The following TTC23L variants were observed in gnomAD, a reference collection of about 807,000 sequenced individuals.
TTC23L encodes the protein tetratricopeptide repeat protein 23-like.
TTC23L carries 42 observed loss-of-function variants against 48.1 expected under a neutral mutation model. That is an observed-to-expected ratio of 0.87 (90% CI 0.68 to 1.13). The LOEUF is 1.13. Ranked by LOEUF, TTC23L falls within the 50% of genes most tolerant of loss-of-function variation. TTC23L has a pLI of 0.00. For synonymous variants in TTC23L, 159 were observed against 157.2 expected (o/e 1.01, Z -0.09); for missense variants, 391 against 421.0 (o/e 0.93, Z 0.62).
chr5:34,868,843 T>C, intron 7 of TTC23L, 62 bp from the exon 8 acceptor site: 2 of 1,451,366 alleles, frequency 1.4e-6, no homozygotes, highest in Non-Finnish European at 1.9e-6. Context: ...TCACCTCTCA[T>C]CTAAATCCAC....
the TTC23L span, chr5:34,914,771 G>C: frequency 6.2e-7 from 1 of 1,614,070 alleles, no homozygotes; most frequent in East Asian, 2.2e-5. Context: ...TGCGAAACAC[G>C]TGGCATGTTC....
chr5:34,850,464 G>GT (rs1301456038), intron 4 of TTC23L, among the ~76,000 whole-genome samples, 156 bp downstream of exon 4: 1 of 30,328 alleles, frequency 3.3e-5, no homozygotes, highest in Non-Finnish European at 5.7e-5. Context: ...GGGAGACAGT[G>GT]TGCAAGGATC....
chr5:34,857,795 G>A (rs1462575912), intron 4 of TTC23L, among the ~76,000 whole-genome samples: 1 of 152,124 alleles, frequency 6.6e-6, no homozygotes, highest in African/African-American at 2.4e-5. Flanking sequence ...CACAGATAAA[G>A]TAACTTTTTC....
chr5:34,855,753 C>T (rs1760078476), intron 4 of TTC23L, among the ~76,000 whole-genome samples: 3 of 152,150 alleles, frequency 2.0e-5, no homozygotes, highest in South Asian at 4.2e-4. Flanking sequence ...AGAGAATGCA[C>T]AATGCAGTAT....
At chr5:34,908,872 T>C in the TTC23L span, 6 of 1,613,242 alleles carry the variant, frequency 3.7e-6, no homozygotes, top group Non-Finnish European at 5.1e-6. Context: ...AGGAAGCCTC[T>C]GTTATCTGTC....
intron 4 of TTC23L, among the ~76,000 whole-genome samples, chr5:34,853,857 G>A (rs894194479): frequency 6.6e-6 from 1 of 152,142 alleles, no homozygotes; most frequent in African/African-American, 2.4e-5. Context: ...ACTAGCTAAG[G>A]GTTTTTCACT....
At chr5:34,913,845 AATGACTTGAT>A in the TTC23L span, 2 of 493,988 alleles carry the variant, frequency 4.0e-6, no homozygotes, top group Non-Finnish European at 7.8e-6. Context: ...AAAATAGACG[AATGACTTGAT>A]AATGCATGAG....
intron 10 of TTC23L, among the ~76,000 whole-genome samples, chr5:34,897,295 G>A (rs1255169458): frequency 6.6e-6 from 1 of 152,010 alleles, no homozygotes; most frequent in Admixed American, 6.6e-5. Flanking sequence ...TGAGGCAGGA[G>A]AATTGCTTGA....
chr5:34,868,743 C>T, intron 7 of TTC23L, 162 bp from the exon 8 acceptor site: 1 of 620,978 alleles, frequency 1.6e-6, no homozygotes, highest in Non-Finnish European at 2.9e-6. Context: ...AAACCCTAAT[C>T]AGTGGGAATT....
intron 1 of TTC23L, among the ~76,000 whole-genome samples, chr5:34,840,243 G>GGT (rs1554016515): frequency 7.0e-6 from 1 of 142,920 alleles, no homozygotes; most frequent in South Asian, 2.3e-4. Flanking sequence ...ACCCCGGGGG[G>GGT]GGGGGGGAAA....
At chr5:34,913,332 T>C in the TTC23L span, 2 of 457,246 alleles carry the variant, frequency 4.4e-6, no homozygotes, top group South Asian at 6.9e-5. Context: ...TGTGAAATGT[T>C]AGAACCCATG....
At chr5:34,914,649 A>T in the TTC23L span, 1 of 1,583,026 alleles carries the variant, frequency 6.3e-7, no homozygotes, top group Non-Finnish European at 8.7e-7. Flanking sequence ...ATTAAATTAC[A>T]TTTAGAGTAT....
At chr5:34,875,769 C>T (rs142673710) in intron 8 of TTC23L, among the ~76,000 whole-genome samples, 4 of 152,272 alleles carry the variant, frequency 2.6e-5, no homozygotes, top group African/African-American at 9.6e-5. Flanking sequence ...TCAAATTCAA[C>T]AGCACCATCA....
At chr5:34,923,425 C>T in the TTC23L span, 9 of 580,756 alleles carry the variant, frequency 1.5e-5, no homozygotes, top group African/African-American at 1.5e-4. Context: ...TTACAAGCAC[C>T]CATCATCACG....
intron 9 of TTC23L, among the ~76,000 whole-genome samples, chr5:34,883,971 A>G (rs1182414899): frequency 6.6e-6 from 1 of 152,222 alleles, no homozygotes; most frequent in Non-Finnish European, 1.5e-5. Flanking sequence ...CTACAGGTCA[A>G]TATCCCTGAA....
intron 4 of TTC23L, among the ~76,000 whole-genome samples, chr5:34,858,718 A>C (rs1760328087): frequency 6.6e-6 from 1 of 152,128 alleles, no homozygotes. Flanking sequence ...TTTCCCCCTC[A>C]CACTCTTACG....
At chr5:34,883,805 A>T (rs1034458454) in intron 9 of TTC23L, among the ~76,000 whole-genome samples, 1 of 152,228 alleles carries the variant, frequency 6.6e-6, no homozygotes, top group African/African-American at 2.4e-5. Context: ...AGATGGCTTC[A>T]TTGGTGAATT....
intron 2 of TTC23L, among the ~76,000 whole-genome samples, chr5:34,844,532 C>T (rs1758957306): frequency 6.6e-6 from 1 of 150,440 alleles, no homozygotes; most frequent in African/African-American, 2.4e-5. Flanking sequence ...TGAACATTCA[C>T]TCTTTAAGCT....
At chr5:34,880,763 C>G (rs1762175932) in intron 9 of TTC23L, 1 of 293,938 alleles carries the variant, frequency 3.4e-6, no homozygotes, top group Non-Finnish European at 6.6e-6. Context: ...CTCAGCCTCC[C>G]AAGTAGCTGG....
Sources: allele counts gnomAD v4.1 joint callset (sites outside exome capture counted in the v4.1 genomes callset), GRCh38; gene constraint gnomAD v4.1.1; transcripts MANE v1.5; gene names NCBI Gene and HGNC (gene_info 2026-07-23, HGNC 2026-07-21).